Variants in CFAP47 observed in about 807,000 individuals in gnomAD.
The protein encoded by CFAP47 is cilia- and flagella-associated protein 47.
A neutral mutation model predicts 148.1 loss-of-function variants in CFAP47; 29 were observed. The observed-to-expected ratio is 0.20, with a 90% CI of 0.15 to 0.27. CFAP47 has a LOEUF of 0.27. Ranked by LOEUF, CFAP47 falls within the 10% of genes least tolerant of loss-of-function variation. CFAP47 has a pLI of 1.00. For missense variants in CFAP47, 1,872 were observed against 1,697.5 expected, an observed-to-expected ratio of 1.10 and a Z score of -1.81; for synonymous variants, 664 against 577.3, an observed-to-expected ratio of 1.15 and a Z score of -2.15.
intron 1 of CFAP47, 87 bp from the exon 2 acceptor site, chrX:35,925,930 C>T: frequency 1.3e-6 from 1 of 784,702 alleles, no homozygotes; most frequent in Non-Finnish European, 1.8e-6. Flanking sequence ...GCTGGGATTA[C>T]AGGCGTGAGC....
intron 57 of CFAP47, among the ~76,000 whole-genome samples, chrX:36,334,035 A>G (rs1556014449): frequency 8.9e-6 from 1 of 111,807 alleles, no homozygotes; most frequent in Non-Finnish European, 1.9e-5. Flanking sequence ...AAGGGATCAC[A>G]TTAAATCCAT....
chrX:36,031,149 C>T (rs974361476), intron 22 of CFAP47, 104 bp from the exon 23 acceptor site: 1 of 259,904 alleles, frequency 3.8e-6, no homozygotes, highest in African/African-American at 2.8e-5. Context: ...TATATAGAAA[C>T]AAATCTTATT....
At chrX:35,957,952 T>C (rs1323544677) in intron 8 of CFAP47, among the ~76,000 whole-genome samples, 5 of 111,591 alleles carry the variant, frequency 4.5e-5, no homozygotes, top group Non-Finnish European at 5.6e-5. Flanking sequence ...GATATTAATA[T>C]GTTCAGAGAT....
Position 35,969,840 on chromosome X carries a change from G to T in CFAP47, c.1815-928G>T, listed in dbSNP as rs763417456. ...AAGCTGTATTACTGTAAACATTGAG[G>T]AATTGTTGAAGACAAGAAGAAAAAT... On this transcript the variant is annotated intron_variant, in intron 10 of 63. Coordinates refer to ENST00000378653, the MANE Select transcript of CFAP47 (RefSeq NM_001304548.2). 4.5e-5 allele frequency among the ~76,000 whole-genome samples: 5 copies of T among 111,785 alleles called. No homozygotes were observed. The East Asian group carries it at 1.4e-3, about 31-fold the overall frequency.
intron 33 of CFAP47, among the ~76,000 whole-genome samples, chrX:36,121,841 G>A (rs1453964148): frequency 9.0e-6 from 1 of 111,249 alleles, no homozygotes; most frequent in Non-Finnish European, 1.9e-5. Flanking sequence ...ATTATACTCT[G>A]CATTTTTCTG....
At chrX:36,332,194 C>A (rs1941570065) in intron 57 of CFAP47, among the ~76,000 whole-genome samples, 1 of 111,257 alleles carries the variant, frequency 9.0e-6, no homozygotes, top group African/African-American at 3.3e-5. Flanking sequence ...CTGGAAATAA[C>A]AAAATATATT....
Position 36,123,472 on chromosome X carries a change from A to G in CFAP47, c.5321-14486A>G, listed in dbSNP as rs537986489. ...TATAGTCTACCTGGTGTCCTATTGT[A>G]TTGCAGCTAAGCTGGCACTAAAACT... On this transcript the variant is annotated intron_variant, in intron 33 of 63. Coordinates refer to ENST00000378653, the MANE Select transcript of CFAP47 (RefSeq NM_001304548.2). Among the ~76,000 whole-genome samples the G allele has an allele frequency of 3.6e-5, 4 of 111,640 alleles. No homozygotes were observed. The Admixed American group carries it at 3.8e-4, about 11-fold the overall frequency.
At chrX:36,377,346 G>A (rs1383125937) in intron 62 of CFAP47, among the ~76,000 whole-genome samples, 1 of 111,818 alleles carries the variant, frequency 8.9e-6, no homozygotes, top group African/African-American at 3.3e-5. Flanking sequence ...TCTCATTATG[G>A]TTTTGATTTG....
At chrX:36,244,067 T>C (rs1555996586) in intron 48 of CFAP47, among the ~76,000 whole-genome samples, 1 of 111,163 alleles carries the variant, frequency 9.0e-6, no homozygotes, top group African/African-American at 3.3e-5. Context: ...GTAATAAAAA[T>C]TAATATCAAG....
chrX:36,233,811 TG>T lies in CFAP47; in HGVS notation c.7015-2121del, dbSNP rs782797839. ...AGGAGCTCTTTTAGGGCAGGCCTGG[TG>T]GTGACAAAATCTCTCAGCATTTGCT... On this transcript the variant is annotated intron_variant, in intron 46 of 63. Transcript: ENST00000378653. Among the ~76,000 whole-genome samples the T allele has an allele frequency of 4.7e-3, 516 of 110,693 alleles. 2 individuals are homozygous for T. The highest frequency in any genetic ancestry group is 0.016 in the African/African-American group (495 of 30,466).
At chrX:36,276,102 G>C (rs1313931373) in intron 49 of CFAP47, among the ~76,000 whole-genome samples, 1 of 109,980 alleles carries the variant, frequency 9.1e-6, no homozygotes, top group Non-Finnish European at 1.9e-5. Flanking sequence ...TGCATACCAA[G>C]ATTGAAATCA....
At chrX:36,214,839 C>T (rs1026535948) in intron 45 of CFAP47, among the ~76,000 whole-genome samples, 1 of 110,988 alleles carries the variant, frequency 9.0e-6, no homozygotes, top group Non-Finnish European at 1.9e-5. Flanking sequence ...TTTTGGAATA[C>T]CTCCTGAAGT....
intron 21 of CFAP47, among the ~76,000 whole-genome samples, chrX:36,010,933 A>C (rs1322479660): frequency 9.0e-6 from 1 of 111,222 alleles, no homozygotes; most frequent in African/African-American, 3.3e-5. Context: ...TTTCTTCATA[A>C]TCTTTTGTTT....
intron 33 of CFAP47, among the ~76,000 whole-genome samples, chrX:36,120,752 TA>T (rs1475673557): frequency 1.8e-5 from 2 of 111,319 alleles, no homozygotes; most frequent in African/African-American, 6.5e-5. Flanking sequence ...TTTTTTTTTT[TA>T]AAGTTTGAAG....
intron 45 of CFAP47, among the ~76,000 whole-genome samples, chrX:36,208,471 C>A (rs781842052): frequency 2.7e-4 from 29 of 109,267 alleles, no homozygotes; most frequent in Non-Finnish European, 4.9e-4. Flanking sequence ...GTTCACGGCC[C>A]ACAGACACTG....
At chrX:35,939,494 T>C (rs1211883672) in intron 2 of CFAP47, among the ~76,000 whole-genome samples, 1 of 90,605 alleles carries the variant, frequency 1.1e-5, no homozygotes, top group Non-Finnish European at 2.1e-5. Context: ...CCTTCCTGTG[T>C]CCATGTGTTC....
chrX:35,940,526 G>T (rs1935989928), intron 2 of CFAP47, among the ~76,000 whole-genome samples: 1 of 111,182 alleles, frequency 9.0e-6, no homozygotes, highest in Admixed American at 9.7e-5. Context: ...ATATGCTGTG[G>T]TGTGTATGAA....
At chrX:36,186,073 C>G (rs947713825) in intron 40 of CFAP47, among the ~76,000 whole-genome samples, 41 of 111,574 alleles carry the variant, frequency 3.7e-4, no homozygotes, top group African/African-American at 1.3e-3. Context: ...AAAATATATA[C>G]TTGTTTATTA....
At position 35,951,883 on chromosome X, in the gene CFAP47, T is replaced by G; in HGVS notation, c.966T>G (p.Thr322=). 8.5e-7 allele frequency: 1 copy of G among 1,176,898 alleles called. No individual in the cohort carries two copies. Among genetic ancestry groups the G allele is most frequent in the Non-Finnish European group, 1.1e-6 (1 of 885,295 alleles). ...GAAAAATAAAGAACATAGATACTACTATCATTATCTCCTGTCTTCCTAATG... is the reference window on the plus strand; with the variant it reads ...GAAAAATAAAGAACATAGATACTACGATCATTATCTCCTGTCTTCCTAATG... ...YIRKIKNIDT[T]IIISCLPNEG... is the part of the protein sequence containing the mutation. The change falls in exon 6 of 64, where the codon ACT becomes ACG. Residue 322 remains threonine (T), a synonymous_variant. Transcript: ENST00000378653.
Sources: gnomAD v4.1 joint callset for allele counts (sites outside exome capture counted in the v4.1 genomes callset) on GRCh38, gnomAD v4.1.1 for gene constraint, MANE v1.5 for transcripts, NCBI Gene and HGNC (gene_info 2026-07-23, HGNC 2026-07-21) for gene names.